RANBP2: variants seen among roughly 807,000 people sequenced by gnomAD.
The protein encoded by RANBP2 is RAN binding protein 2.
Under a neutral mutation model 303.6 loss-of-function variants are expected in RANBP2, and 57 were observed. The ratio of observed to expected loss-of-function variants is 0.19; its 90% confidence interval spans 0.15 to 0.23. The LOEUF (loss-of-function observed/expected upper bound fraction) is 0.23, where lower values mean the gene tolerates loss of function less well. Ranked by LOEUF, RANBP2 falls within the 10% of genes least tolerant of loss-of-function variation. RANBP2 has a pLI of 1.00. For synonymous variants in RANBP2, 1,167 were observed against 1,301.5 expected, an observed-to-expected ratio of 0.90 and a Z score of 2.23; for missense variants, 3,138 against 3,780.8, an observed-to-expected ratio of 0.83 and a Z score of 4.46.
the RANBP2 span, among the ~76,000 whole-genome samples, chr2:108,992,955 G>C: frequency 6.8e-5 from 10 of 148,054 alleles, no homozygotes; most frequent in Non-Finnish European, 1.5e-5. Context: ...AGTTTTTAAA[G>C]TATCATCTCA....
chr2:109,231,721 G>A, the RANBP2 span, among the ~76,000 whole-genome samples: 4 of 152,070 alleles, frequency 2.6e-5, no homozygotes, highest in Admixed American at 6.5e-5. Context: ...AAATCTTACC[G>A]TGCATGCTAA....
the RANBP2 span, chr2:109,432,719 G>T: frequency 6.3e-7 from 1 of 1,575,726 alleles, no homozygotes; most frequent in African/African-American, 1.3e-5. Flanking sequence ...GCAAGGGCCT[G>T]CACGCCTTAC....
At chr2:109,157,678 C>G in the RANBP2 span, among the ~76,000 whole-genome samples, 13 of 152,208 alleles carry the variant, frequency 8.5e-5, no homozygotes, top group Non-Finnish European at 1.3e-4. Context: ...CAGTTGGTTA[C>G]TGAGCTGCCT....
the RANBP2 span, among the ~76,000 whole-genome samples, chr2:108,791,981 T>G: frequency 6.6e-6 from 1 of 152,164 alleles, no homozygotes; most frequent in Non-Finnish European, 1.5e-5. Flanking sequence ...GCAGAGAAAA[T>G]TAAACTTCAT....
the RANBP2 span, chr2:109,124,332 A>T: frequency 6.6e-6 from 1 of 152,156 alleles, no homozygotes; most frequent in African/African-American, 2.4e-5. Context: ...CCACCACCAC[A>T]TCCGGCAAAT....
the RANBP2 span, among the ~76,000 whole-genome samples, chr2:108,960,141 G>A: frequency 2.0e-5 from 3 of 152,286 alleles, no homozygotes; most frequent in East Asian, 1.9e-4. Flanking sequence ...TAAGAGGAGC[G>A]GGGTGGGGAT....
At chr2:108,791,362 CTACCTTAT>C in the RANBP2 span, among the ~76,000 whole-genome samples, 1 of 152,092 alleles carries the variant, frequency 6.6e-6, no homozygotes, top group Non-Finnish European at 1.5e-5. Flanking sequence ...TTAGCTAAAA[CTACCTTAT>C]AGATAACAGA....
chr2:109,670,298 C>A, the RANBP2 span, among the ~76,000 whole-genome samples: 1 of 133,720 alleles, frequency 7.5e-6, no homozygotes, highest in Non-Finnish European at 1.6e-5. Context: ...GGGGGCTATA[C>A]TGCCTGTGGC....
the RANBP2 span, chr2:109,574,684 G>A: frequency 1.8e-3 from 2,826 of 1,610,326 alleles, 4 homozygotes; most frequent in Non-Finnish European, 2.1e-3. Context: ...ATCATGGTAG[G>A]TAAAGAGAGA....
At chr2:108,963,328 C>T in the RANBP2 span, among the ~76,000 whole-genome samples, 1 of 152,204 alleles carries the variant, frequency 6.6e-6, no homozygotes, top group East Asian at 1.9e-4. Flanking sequence ...ATTCAATTTG[C>T]TTTCAAGAGC....
chr2:109,202,101 G>A, the RANBP2 span, among the ~76,000 whole-genome samples: 1 of 152,212 alleles, frequency 6.6e-6, no homozygotes, highest in Non-Finnish European at 1.5e-5. Context: ...CCCTCGAGGC[G>A]ATCTCGGCCA....
chr2:109,525,523 C>T, the RANBP2 span, among the ~76,000 whole-genome samples: 22 of 152,174 alleles, frequency 1.4e-4, no homozygotes, highest in Non-Finnish European at 3.1e-4. Flanking sequence ...CTACACTCCC[C>T]GAGCTGACGC....
chr2:109,012,430 A>ATC, the RANBP2 span, among the ~76,000 whole-genome samples: 3 of 152,080 alleles, frequency 2.0e-5, no homozygotes, highest in African/African-American at 7.2e-5. Flanking sequence ...TCTACCTTGA[A>ATC]TCTCCTCCCA....
the RANBP2 span, among the ~76,000 whole-genome samples, chr2:109,207,629 C>G: frequency 6.6e-6 from 1 of 152,030 alleles, no homozygotes; most frequent in Admixed American, 6.6e-5. Context: ...AAGATTGTTT[C>G]CAGGGGTGCA....
chr2:109,218,461 G>T, the RANBP2 span, among the ~76,000 whole-genome samples: 2 of 152,146 alleles, frequency 1.3e-5, no homozygotes, highest in African/African-American at 4.8e-5. Flanking sequence ...CTTCCTTTCT[G>T]CTATACAAAC....
chr2:109,222,298 TAAC>T, the RANBP2 span, among the ~76,000 whole-genome samples: 4 of 152,314 alleles, frequency 2.6e-5, no homozygotes, highest in South Asian at 8.3e-4. Context: ...GGTGATTAGT[TAAC>T]AACAATTTAT....
the RANBP2 span, among the ~76,000 whole-genome samples, chr2:109,577,195 T>C: frequency 6.6e-6 from 1 of 152,168 alleles, no homozygotes; most frequent in Non-Finnish European, 1.5e-5. Flanking sequence ...CAACCCAGAA[T>C]TGTACATCCA....
At chr2:109,641,951 G>A in the RANBP2 span, among the ~76,000 whole-genome samples, 11 of 152,228 alleles carry the variant, frequency 7.2e-5, no homozygotes, top group South Asian at 4.2e-4. Flanking sequence ...GATTACAGGC[G>A]CCTGCCACCA....
the RANBP2 span, among the ~76,000 whole-genome samples, chr2:109,188,064 G>T: frequency 6.6e-6 from 1 of 152,222 alleles, no homozygotes; most frequent in African/African-American, 2.4e-5. Flanking sequence ...CCCCGTGAGC[G>T]TAGTGAGTGG....
Sources: allele counts gnomAD v4.1 joint callset (sites outside exome capture counted in the v4.1 genomes callset), GRCh38; gene constraint gnomAD v4.1.1; transcripts MANE v1.5; gene names NCBI Gene and HGNC (gene_info 2026-07-23, HGNC 2026-07-21).